The following PTCHD1 variants were observed in gnomAD, a reference collection of about 807,000 sequenced individuals.
PTCHD1 encodes the protein patched domain-containing protein 1.
A neutral mutation model predicts 34.6 loss-of-function variants in PTCHD1; 3 were observed. The observed-to-expected ratio is 0.09, with a 90% CI of 0.04 to 0.22. The LOEUF is 0.22. Ranked by LOEUF, PTCHD1 falls within the 10% of genes least tolerant of loss-of-function variation. The pLI is 1.00. For synonymous variants in PTCHD1, 305 were observed against 283.1 expected (o/e 1.08, Z -0.77); for missense variants, 504 against 685.5 (o/e 0.74, Z 2.96).
In PTCHD1 at chrX:23,392,613, A is replaced by G. The variant is rs1275000461; in HGVS notation, c.1095A>G (p.Ala365=). The change falls in exon 3 of 3, where the codon GCA becomes GCG. Residue 365 remains alanine, a synonymous_variant. Transcript: ENST00000379361. ...ACCAACATGTTAAAGAGAGAACTGC[A>G]GCAGTCTATGCAGACTCCATGCTCT... ...REDQHVKERT[A]AVYADSMLSF... is the part of the protein sequence containing the mutation. The G allele has an allele frequency of 2.5e-6, 3 of 1,203,995 alleles. No individual in the cohort carries two copies. The highest frequency in any genetic ancestry group is 3.4e-6 in the Non-Finnish European group (3 of 889,376).
Position 23,394,651 on chromosome X carries a change from T to G in PTCHD1, c.*466T>G, listed in dbSNP as rs1001090511. On this transcript the variant is annotated 3_prime_UTR_variant, in exon 3 of 3. Coordinates refer to ENST00000379361, the MANE Select transcript of PTCHD1 (RefSeq NM_173495.3). The stretch of plus-strand genomic sequence containing the variant: ...TCCAGAACTTCTGTAGAGCAGTAGC[T>G]CCAGTCATGGTCTGTGGTTTGAGGT... 1.6e-5 allele frequency: 2 copies of G among 122,132 alleles called. No individual in the cohort carries two copies. The highest frequency in any genetic ancestry group is 8.0e-5 in the Admixed American group (1 of 12,436). The allele number at this position is 122,132 out of a possible 1,213,427, so 10.1% of individuals were successfully genotyped here. A position where few individuals can be genotyped will look rare whatever the true frequency, so the allele number is the denominator to read the frequency against.
At position 23,402,709 on chromosome X, in the gene PTCHD1, T is replaced by C. The variant is rs1305888765; in HGVS notation, c.*8524T>C. ...AGCTTAGAACCCTTGAGCAAAATTA[T>C]TGAATTATTGAATGCTAGGCCCAAA... On this transcript the variant is annotated 3_prime_UTR_variant, in exon 3 of 3. Transcript: ENST00000379361. 8.9e-6 allele frequency: 1 copy of C among 112,253 alleles called. No homozygotes were observed. Among genetic ancestry groups the C allele is most frequent in the Non-Finnish European group, 1.9e-5 (1 of 53,276 alleles). 9.3% of individuals were successfully genotyped at this position (112,253 alleles called of 1,213,427 possible).
chrX:23,351,630 T>A (rs1217557739), intron 1 of PTCHD1, among the ~76,000 whole-genome samples: 1 of 112,210 alleles, frequency 8.9e-6, no homozygotes, highest in East Asian at 2.8e-4. Flanking sequence ...GGAAAAAAAA[T>A]GCTAAACCAT....
In PTCHD1 at chrX:23,394,347, G is replaced by A; in HGVS notation, c.*162G>A. On this transcript the variant is annotated 3_prime_UTR_variant, in exon 3 of 3. Coordinates refer to ENST00000379361, the MANE Select transcript of PTCHD1 (RefSeq NM_173495.3). ...AAAGGAAAGGACAGTGGGGAGAAAT[G>A]GGCCTGGCATATTTTCAGTCTTTAA... 4.7e-6 allele frequency: 2 copies of A among 422,264 alleles called. No individual in the cohort carries two copies. The highest frequency in any genetic ancestry group is 4.0e-6 in the Non-Finnish European group (1 of 249,788). 34.8% of individuals were successfully genotyped at this position (422,264 alleles called of 1,213,427 possible).
In PTCHD1 at chrX:23,362,330, G is replaced by A. The variant is rs183591123; in HGVS notation, c.352-17261G>A. ...GTCTTTTCACAGTCCCATATTTCTT[G>A]AAGGCTTTGTTCGTTTCTTTTTACT... On this transcript the variant is annotated intron_variant, in intron 1 of 2. Transcript: ENST00000379361. 1.4e-4 allele frequency among the ~76,000 whole-genome samples: 16 copies of A among 112,057 alleles called. No homozygotes were observed. In the East Asian group the frequency reaches 3.9e-3, roughly 27 times the overall value.
At chrX:23,371,564 C>A (rs1325074177) in intron 1 of PTCHD1, among the ~76,000 whole-genome samples, 1 of 111,411 alleles carries the variant, frequency 9.0e-6, no homozygotes, top group Non-Finnish European at 1.9e-5. Context: ...GTTAGTGCCC[C>A]AGTATTTCCA....
chrX:23,356,543 T>G (rs1180142930), intron 1 of PTCHD1, among the ~76,000 whole-genome samples: 7 of 111,668 alleles, frequency 6.3e-5, no homozygotes, highest in Non-Finnish European at 1.1e-4. Context: ...TCGCACCAGC[T>G]TTTTCCCCAG....
At chrX:23,381,077 A>G (rs1342284187) in intron 2 of PTCHD1, among the ~76,000 whole-genome samples, 1 of 112,368 alleles carries the variant, frequency 8.9e-6, no homozygotes, top group Non-Finnish European at 1.9e-5. Context: ...AGGACATGAT[A>G]AATGTATAAG....
In PTCHD1 at chrX:23,379,785, C is replaced by T. The variant is rs758901997; in HGVS notation, c.546C>T (p.Asp182=). 3.1e-5 allele frequency: 37 copies of T among 1,209,154 alleles called. No individual in the cohort carries two copies. The East Asian group carries it at 6.8e-4, about 22-fold the overall frequency. Residue 182 remains aspartate (D), a synonymous_variant, in exon 2 of 3, where the codon GAC becomes GAT. Transcript: ENST00000379361. The stretch of plus-strand genomic sequence containing the variant: ...CATACCCAATCACTCACTTAAAGGA[C>T]GGGAGGGCTGTGTACAATGGGCACC... ...AITYPITHLK[D]GRAVYNGHQL...
intron 2 of PTCHD1, among the ~76,000 whole-genome samples, chrX:23,388,881 C>T (rs1346106708): frequency 9.0e-6 from 1 of 111,188 alleles, no homozygotes. Context: ...AGGTAGCCAT[C>T]CACTGAAAGA....
At chrX:23,371,544 G>A (rs1182954227) in intron 1 of PTCHD1, among the ~76,000 whole-genome samples, 1 of 111,685 alleles carries the variant, frequency 9.0e-6, no homozygotes, top group Non-Finnish European at 1.9e-5. Flanking sequence ...GCTTAGAATT[G>A]AGATAGTATG....
At chrX:23,366,228 C>A (rs779554649) in intron 1 of PTCHD1, among the ~76,000 whole-genome samples, 2 of 112,126 alleles carry the variant, frequency 1.8e-5, no homozygotes, top group Non-Finnish European at 3.8e-5. Flanking sequence ...TTTTGTCTCC[C>A]TGGTTACACT....
At chrX:23,372,142 A>G (rs1343841675) in intron 1 of PTCHD1, among the ~76,000 whole-genome samples, 2 of 111,141 alleles carry the variant, frequency 1.8e-5, no homozygotes, top group African/African-American at 3.3e-5. Flanking sequence ...GAAAAAATTA[A>G]AACAAGAAAA....
At chrX:23,384,427 G>A (rs73205370) in intron 2 of PTCHD1, among the ~76,000 whole-genome samples, 6,875 of 111,823 alleles carry the variant, frequency 0.061, 241 homozygotes, top group East Asian at 0.28. Context: ...AGAATTAGTG[G>A]ATTATTTCTA....
intron 2 of PTCHD1, among the ~76,000 whole-genome samples, chrX:23,388,514 G>T (rs1922739162): frequency 8.9e-6 from 1 of 112,360 alleles, no homozygotes; most frequent in South Asian, 3.7e-4. Context: ...AGTTCCGCTT[G>T]CTGAACTACA....
intron 1 of PTCHD1, among the ~76,000 whole-genome samples, chrX:23,347,842 C>CA (rs1219167582): frequency 1.8e-5 from 2 of 110,688 alleles, no homozygotes; most frequent in African/African-American, 6.6e-5. Flanking sequence ...CCCGTCTCTA[C>CA]AAAAAAATTT....
chrX:23,345,418 C>T (rs1921447850), intron 1 of PTCHD1, among the ~76,000 whole-genome samples: 1 of 112,314 alleles, frequency 8.9e-6, no homozygotes, highest in South Asian at 3.7e-4. Flanking sequence ...TACTGGTCTG[C>T]AGACCACATT....
intron 1 of PTCHD1, among the ~76,000 whole-genome samples, chrX:23,344,424 T>C (rs1248749972): frequency 1.8e-5 from 2 of 112,527 alleles, no homozygotes; most frequent in African/African-American, 6.5e-5. Context: ...TGCTATTTCC[T>C]CACATGTGCC....
chrX:23,356,835 A>G (rs970777494), intron 1 of PTCHD1, among the ~76,000 whole-genome samples: 1 of 111,381 alleles, frequency 9.0e-6, no homozygotes, highest in Non-Finnish European at 1.9e-5. Context: ...TGCCAGCTAC[A>G]TTTTCTGATT....
Sources: gnomAD v4.1 joint callset for allele counts (sites outside exome capture counted in the v4.1 genomes callset) on GRCh38, gnomAD v4.1.1 for gene constraint, MANE v1.5 for transcripts, NCBI Gene and HGNC (gene_info 2026-07-23, HGNC 2026-07-21) for gene names.